Variants in WASF2 observed in about 807,000 individuals in gnomAD.
WASF2 encodes the protein WASP family member 2.
In WASF2, 14 loss-of-function variants were observed where a neutral mutation model predicts 45.0. The observed-to-expected ratio is 0.31, with a 90% CI of 0.21 to 0.49. The LOEUF is 0.49. Among genes scored for constraint, WASF2 ranks in the 20% least tolerant of loss-of-function variants. The pLI is 0.99. For synonymous variants in WASF2, 200 were observed against 236.3 expected (o/e 0.85, Z 1.41); for missense variants, 439 against 636.1 (o/e 0.69, Z 3.33).
At chr1:27,459,790 C>A (rs1010769486) in intron 1 of WASF2, among the ~76,000 whole-genome samples, 1 of 152,150 alleles carries the variant, frequency 6.6e-6, no homozygotes, top group Non-Finnish European at 1.5e-5. Context: ...CCCCCTATCA[C>A]CCTAGTGGAT....
intron 1 of WASF2, among the ~76,000 whole-genome samples, chr1:27,472,138 C>T (rs1422339348): frequency 1.3e-5 from 2 of 152,048 alleles, no homozygotes; most frequent in African/African-American, 4.8e-5. Context: ...GGAGACCACC[C>T]TGCCCAACAT....
intron 1 of WASF2, among the ~76,000 whole-genome samples, chr1:27,478,275 C>CAAA (rs765416697): frequency 1.2e-4 from 6 of 49,944 alleles, no homozygotes; most frequent in Non-Finnish European, 1.7e-4. Context: ...AATAGCAAAG[C>CAAA]AAAAAAAAAA....
At chr1:27,473,315 C>T (rs1279194484) in intron 1 of WASF2, among the ~76,000 whole-genome samples, 1 of 151,468 alleles carries the variant, frequency 6.6e-6, no homozygotes, top group African/African-American at 2.4e-5. Flanking sequence ...CCCGTCTCTA[C>T]TAAAAATACA....
chr1:27,439,385 C>G (rs144675287), intron 1 of WASF2, among the ~76,000 whole-genome samples: 1 of 152,098 alleles, frequency 6.6e-6, no homozygotes, highest in African/African-American at 2.4e-5. Flanking sequence ...CTAGCACATG[C>G]CCTGTTCTAA....
chr1:27,431,636 A>G (rs1166071636), intron 1 of WASF2, among the ~76,000 whole-genome samples: 3 of 152,228 alleles, frequency 2.0e-5, no homozygotes, highest in African/African-American at 7.2e-5. Flanking sequence ...AATGTGACCA[A>G]TGACAGGGCA....
intron 6 of WASF2, among the ~76,000 whole-genome samples, chr1:27,413,902 T>C (rs878998155): frequency 6.6e-6 from 1 of 152,224 alleles, no homozygotes; most frequent in Admixed American, 6.5e-5. Flanking sequence ...TTTTTTCCTT[T>C]CACCATCTTC....
At chr1:27,478,990 A>C (rs1445887868) in intron 1 of WASF2, among the ~76,000 whole-genome samples, 3 of 152,054 alleles carry the variant, frequency 2.0e-5, no homozygotes, top group Non-Finnish European at 4.4e-5. Flanking sequence ...TTTTACCTTT[A>C]AAAATCTTGG....
chr1:27,428,147 C>A (rs576162031), intron 2 of WASF2, among the ~76,000 whole-genome samples: 1 of 152,312 alleles, frequency 6.6e-6, no homozygotes, highest in East Asian at 1.9e-4. Context: ...TATGTTCACA[C>A]AGCTTGCAAA....
intron 1 of WASF2, among the ~76,000 whole-genome samples, chr1:27,477,663 G>T (rs2017784175): frequency 9.6e-6 from 1 of 104,624 alleles, no homozygotes. Context: ...ACTTTGGGAG[G>T]CCGAGGCGGG....
At chr1:27,468,899 G>T (rs2017651893) in intron 1 of WASF2, among the ~76,000 whole-genome samples, 1 of 147,636 alleles carries the variant, frequency 6.8e-6, no homozygotes, top group Non-Finnish European at 1.5e-5. Context: ...CTCCAGCCTG[G>T]CAACAGAGTG....
rs773713166 is a variant in WASF2 at position 27,412,588 on chromosome 1, G to A, written c.808C>T (p.Pro270Ser). The A allele has an allele frequency of 2.5e-6, 4 of 1,614,176 alleles. No homozygotes were observed. The highest frequency in any genetic ancestry group is 2.2e-5 in the East Asian group (1 of 44,876). ...PSFSEDNLPP[P>S]PAEFSYPVDN... ...ACCATTTACCTGAATTCTGCTGGTG[G>A]AGGAGGCAAGTTGTCCTCGGAGAAG... Residue 270 changes from proline (P) to serine (S), a missense_variant, in exon 7 of 9, where the codon CCA (proline) becomes TCA (serine). Physicochemically the swap from Pro to Ser is moderately conservative, Grantham distance 74 (BLOSUM62 -1). Coordinates refer to ENST00000618852, the MANE Select transcript of WASF2 (RefSeq NM_006990.5).
chr1:27,439,730 T>C (rs2017182695), intron 1 of WASF2, among the ~76,000 whole-genome samples: 1 of 152,216 alleles, frequency 6.6e-6, no homozygotes, highest in Non-Finnish European at 1.5e-5. Context: ...CTGGGTGCAG[T>C]GGCTCATGCC....
intron 1 of WASF2, among the ~76,000 whole-genome samples, chr1:27,482,994 G>T (rs940332456): frequency 2.0e-5 from 3 of 152,116 alleles, no homozygotes; most frequent in Non-Finnish European, 4.4e-5. Flanking sequence ...ATTCCTGGTC[G>T]GACCATGAAA....
In WASF2 at chr1:27,490,021, G is replaced by T. The variant is rs2018010029; in HGVS notation, c.-79C>A. ...GCAGTCGCCGTCAGCGACAGGAAGG[G>T]TCGGCCGGCCGCCCAGTCTCCGCAC... On this transcript the variant is annotated 5_prime_UTR_variant, in exon 1 of 9. Transcript: ENST00000618852. 1 of 152,286 alleles carries T rather than the reference G, an allele frequency of 6.6e-6. No individual in the cohort carries two copies. Among genetic ancestry groups the T allele is most frequent in the Non-Finnish European group, 1.5e-5 (1 of 68,104 alleles). The allele number at this position is 152,286 out of a possible 1,614,324, so 9.4% of individuals were successfully genotyped here.
rs1329354913 is a variant in WASF2, at chr1:27,405,580, G to A, written c.*2609C>T. 2.1e-5 allele frequency: 3 copies of A among 144,286 alleles called. No homozygotes were observed. Among genetic ancestry groups the A allele is most frequent in the Admixed American group, 2.1e-4 (3 of 14,496 alleles). 8.9% of individuals were successfully genotyped at this position (144,286 alleles called of 1,614,324 possible). Reference sequence around the variant, plus strand: ...ATTGGGTCCTTTATCATCTTAAAGGGCTCTGGGTCTAAAGAAGCCTTTTTT... The same window carrying A: ...ATTGGGTCCTTTATCATCTTAAAGGACTCTGGGTCTAAAGAAGCCTTTTTT... On this transcript the variant is annotated 3_prime_UTR_variant, in exon 9 of 9. Transcript: ENST00000618852.
At chr1:27,447,818 G>A (rs2017330321) in intron 1 of WASF2, among the ~76,000 whole-genome samples, 1 of 152,148 alleles carries the variant, frequency 6.6e-6, no homozygotes, top group African/African-American at 2.4e-5. Flanking sequence ...AATGATTCAA[G>A]TTTCATCTTG....
intron 1 of WASF2, among the ~76,000 whole-genome samples, chr1:27,433,884 T>C (rs2017098489): frequency 1.3e-5 from 2 of 152,166 alleles, no homozygotes; most frequent in African/African-American, 4.8e-5. Flanking sequence ...GAAGTGGTGG[T>C]TCTTGGTCAA....
At chr1:27,470,964 G>A (rs530322583) in intron 1 of WASF2, among the ~76,000 whole-genome samples, 32 of 152,242 alleles carry the variant, frequency 2.1e-4, no homozygotes, top group African/African-American at 6.3e-4. Context: ...TCAGTGAAGC[G>A]GTCCAATAGG....
chr1:27,440,029 C>T (rs2017188388), intron 1 of WASF2, among the ~76,000 whole-genome samples: 1 of 151,934 alleles, frequency 6.6e-6, no homozygotes, highest in South Asian at 2.1e-4. Context: ...AAAACAAAAC[C>T]CAAAACCTAG....
Sources: gnomAD v4.1 joint callset for allele counts (sites outside exome capture counted in the v4.1 genomes callset) on GRCh38, gnomAD v4.1.1 for gene constraint, MANE v1.5 for transcripts, NCBI Gene and HGNC (gene_info 2026-07-23, HGNC 2026-07-21) for gene names.